Variants in CYB5R4 observed in about 807,000 individuals in gnomAD.
The protein encoded by CYB5R4 is N-terminal cytochrome b5 and cytochrome b5 oxidoreductase domain-containing protein.
A neutral mutation model predicts 70.2 loss-of-function variants in CYB5R4; 55 were observed. The observed-to-expected ratio is 0.78, with a 90% CI of 0.63 to 0.98. The LOEUF (loss-of-function observed/expected upper bound fraction) is 0.98, where lower values mean the gene tolerates loss of function less well. Ranked by LOEUF, CYB5R4 falls within the 50% of genes least tolerant of loss-of-function variation. CYB5R4 has a pLI of 0.00. For synonymous variants in CYB5R4, 197 were observed against 199.5 expected (o/e 0.99, Z 0.11); for missense variants, 562 against 612.6 (o/e 0.92, Z 0.87).
intron 10 of CYB5R4, among the ~76,000 whole-genome samples, chr6:83,925,079 A>G (rs951567635): frequency 1.3e-5 from 2 of 152,194 alleles, no homozygotes; most frequent in African/African-American, 4.8e-5. Flanking sequence ...TAAAGAAAAA[A>G]GGTTAATTGG....
At chr6:83,944,987 C>A (rs565667517) in intron 14 of CYB5R4, among the ~76,000 whole-genome samples, 1 of 152,042 alleles carries the variant, frequency 6.6e-6, no homozygotes, top group African/African-American at 2.4e-5. Flanking sequence ...GAGACTTTAA[C>A]ACCCTACTGT....
At chr6:83,955,566 A>T in intron 15 of CYB5R4, 104 bp downstream of exon 15, 2 of 1,084,836 alleles carry the variant, frequency 1.8e-6, no homozygotes, top group South Asian at 4.0e-5. Flanking sequence ...CTGCACTTTA[A>T]TAATCTTACA....
At chr6:83,936,481 A>G (rs2099468945) in intron 12 of CYB5R4, 105 bp downstream of exon 12, 7 of 990,572 alleles carry the variant, frequency 7.1e-6, no homozygotes, top group African/African-American at 3.4e-5. Flanking sequence ...TTAACTCAAC[A>G]TGTCTACAAC....
intron 15 of CYB5R4, among the ~76,000 whole-genome samples, chr6:83,957,109 ACTCT>A (rs1376465993): frequency 6.6e-6 from 1 of 151,878 alleles, no homozygotes; most frequent in Non-Finnish European, 1.5e-5. Context: ...TTTTAGTTAA[ACTCT>A]CTCAACTTAA....
intron 8 of CYB5R4, 56 bp from the exon 9 acceptor site, chr6:83,922,382 T>G: frequency 2.0e-6 from 3 of 1,472,186 alleles, no homozygotes; most frequent in Non-Finnish European, 2.8e-6. Flanking sequence ...CATATGGTGT[T>G]CAAAAACTGT....
intron 10 of CYB5R4, among the ~76,000 whole-genome samples, chr6:83,931,887 G>A (rs1387758489): frequency 1.3e-5 from 2 of 151,022 alleles, no homozygotes; most frequent in East Asian, 3.9e-4. Context: ...TGCCATGTTG[G>A]TGTGCTGCAC....
intron 2 of CYB5R4, among the ~76,000 whole-genome samples, chr6:83,878,966 A>G (rs752903630): frequency 6.6e-5 from 10 of 152,098 alleles, no homozygotes; most frequent in African/African-American, 2.4e-4. Context: ...TCTTTGCAGG[A>G]TCTTTCTCCA....
chr6:83,913,016 A>T (rs1215606446), intron 4 of CYB5R4, among the ~76,000 whole-genome samples: 2 of 152,182 alleles, frequency 1.3e-5, no homozygotes, highest in Non-Finnish European at 2.9e-5. Flanking sequence ...ACCTGGGACA[A>T]TTTTTCAAAA....
intron 2 of CYB5R4, among the ~76,000 whole-genome samples, chr6:83,879,337 C>G (rs1386696679): frequency 6.6e-6 from 1 of 152,076 alleles, no homozygotes; most frequent in Non-Finnish European, 1.5e-5. Flanking sequence ...TGTATTCACA[C>G]CGAATCTGGG....
At chr6:83,889,515 T>G (rs2324481) in intron 2 of CYB5R4, among the ~76,000 whole-genome samples, 23,457 of 152,146 alleles carry the variant, frequency 0.15, 3,535 homozygotes, top group African/African-American at 0.38. Flanking sequence ...ATAGCATGGT[T>G]TACTGAATAT....
chr6:83,937,331 T>C (rs1438710309), intron 12 of CYB5R4, among the ~76,000 whole-genome samples: 1 of 152,040 alleles, frequency 6.6e-6, no homozygotes, highest in Non-Finnish European at 1.5e-5. Context: ...AATATCACTT[T>C]ATGGAGCCCT....
intron 10 of CYB5R4, among the ~76,000 whole-genome samples, chr6:83,928,583 T>G (rs2129141207): frequency 6.6e-6 from 1 of 152,244 alleles, no homozygotes; most frequent in Admixed American, 6.5e-5. Flanking sequence ...TGCCAAGCAT[T>G]TTGCTGGGTG....
intron 6 of CYB5R4, 105 bp downstream of exon 6, chr6:83,918,170 A>G: frequency 1.3e-6 from 1 of 752,492 alleles, no homozygotes; most frequent in Non-Finnish European, 2.2e-6. Flanking sequence ...GCTTACTGTT[A>G]GTCATGCTCT....
At chr6:83,903,576 AT>A (rs1386684813) in intron 3 of CYB5R4, among the ~76,000 whole-genome samples, 3 of 151,806 alleles carry the variant, frequency 2.0e-5, no homozygotes, top group Non-Finnish European at 4.4e-5. Flanking sequence ...CTTCTCTTCA[AT>A]TTTTTGGAAT....
rs1442258322 is a variant in CYB5R4, at chr6:83,964,716, T to C, written c.*4838T>C. ...CAATGGGGAAAATGTCTCCAGGGCA[T>C]GTCAGAGACATTTGTGGCAGCCTCT... On this transcript the variant is annotated 3_prime_UTR_variant, in exon 16 of 16. Transcript: ENST00000369681. 6.6e-6 allele frequency: 1 copy of C among 152,236 alleles called. No homozygotes were observed. The highest frequency in any genetic ancestry group is 1.5e-5 in the Non-Finnish European group (1 of 68,050). 9.4% of individuals were successfully genotyped at this position (152,236 alleles called of 1,614,324 possible).
intron 3 of CYB5R4, among the ~76,000 whole-genome samples, chr6:83,896,355 A>G (rs1044277557): frequency 3.3e-5 from 5 of 152,312 alleles, no homozygotes; most frequent in Middle Eastern, 3.4e-3. Flanking sequence ...AAGTACATTT[A>G]CACTCATTAG....
chr6:83,889,255 A>G (rs752614528), intron 2 of CYB5R4, among the ~76,000 whole-genome samples: 1 of 152,202 alleles, frequency 6.6e-6, no homozygotes, highest in Non-Finnish European at 1.5e-5. Context: ...TGTAGATTAA[A>G]TAGTCTTCTA....
chr6:83,913,566 T>C (rs1235291640), intron 4 of CYB5R4, among the ~76,000 whole-genome samples: 21 of 152,192 alleles, frequency 1.4e-4, no homozygotes, highest in Admixed American at 6.5e-4. Context: ...TTAATTATTA[T>C]TATTTTGGGA....
intron 4 of CYB5R4, among the ~76,000 whole-genome samples, 189 bp downstream of exon 4, chr6:83,909,279 A>T (rs1294706601): frequency 1.3e-5 from 2 of 152,216 alleles, no homozygotes; most frequent in Non-Finnish European, 2.9e-5. Flanking sequence ...TTCCCTTAAA[A>T]GTTCGACTGT....
Sources: gnomAD v4.1 joint callset for allele counts (sites outside exome capture counted in the v4.1 genomes callset) on GRCh38, gnomAD v4.1.1 for gene constraint, MANE v1.5 for transcripts, NCBI Gene and HGNC (gene_info 2026-07-23, HGNC 2026-07-21) for gene names.